The following DIAPH3 variants were observed in gnomAD, a reference collection of about 807,000 sequenced individuals.
DIAPH3 encodes diaphanous related formin 3, also known as protein diaphanous homolog 3.
DIAPH3 carries 117 observed loss-of-function variants against 144.3 expected under a neutral mutation model. The ratio of observed to expected loss-of-function variants is 0.81; its 90% confidence interval spans 0.70 to 0.95. The LOEUF is 0.95. Among genes scored for constraint, DIAPH3 ranks in the 40% least tolerant of loss-of-function variants. The pLI is 0.00. For synonymous variants in DIAPH3, 519 were observed against 488.9 expected (o/e 1.06, Z -0.81); for missense variants, 1,421 against 1,412.7 (o/e 1.01, Z -0.09).
At chr13:59,833,336 T>G in intron 23 of DIAPH3, 65 bp from the exon 24 acceptor site, 7 of 1,308,432 alleles carry the variant, frequency 5.3e-6, no homozygotes, top group Non-Finnish European at 7.5e-6. Context: ...GGGAACTCTG[T>G]AAATCCAATG....
chr13:59,876,024 G>A (rs552754959), intron 21 of DIAPH3, among the ~76,000 whole-genome samples: 15 of 152,014 alleles, frequency 9.9e-5, no homozygotes, highest in East Asian at 1.9e-4. Flanking sequence ...AGTTAAATTC[G>A]TAAAGGGCAT....
chr13:59,765,136 A>G (rs1439373523), intron 27 of DIAPH3, among the ~76,000 whole-genome samples: 4 of 152,170 alleles, frequency 2.6e-5, no homozygotes, highest in Non-Finnish European at 4.4e-5. Flanking sequence ...AAAATTCTCC[A>G]TAGTCTTAAT....
chr13:59,867,088 T>C (rs143997473), intron 21 of DIAPH3, among the ~76,000 whole-genome samples: 5,114 of 148,758 alleles, frequency 0.034, 114 homozygotes, highest in Non-Finnish European at 0.049. Flanking sequence ...TTTTTAAATA[T>C]ATATTTTAAA....
chr13:60,024,098 A>G (rs1346491141), intron 5 of DIAPH3, among the ~76,000 whole-genome samples: 3 of 151,482 alleles, frequency 2.0e-5, no homozygotes, highest in African/African-American at 7.3e-5. Flanking sequence ...CAGGTGGTCC[A>G]GCCGCCTCAG....
intron 21 of DIAPH3, among the ~76,000 whole-genome samples, chr13:59,868,740 G>A (rs2044078332): frequency 1.3e-5 from 2 of 151,974 alleles, no homozygotes; most frequent in Admixed American, 6.6e-5. Context: ...CCTCTCCTCA[G>A]AACCCCTGGC....
Position 59,690,915 on chromosome 13 carries a change from C to T in DIAPH3, c.3320-24069G>A, listed in dbSNP as rs369218215. On this transcript the variant is annotated intron_variant, in intron 27 of 27. Coordinates refer to ENST00000400324, the MANE Select transcript of DIAPH3 (RefSeq NM_001042517.2). ...AAAACAAATAAATTATAAATAAGTG[C>T]TAAAATAGAGCTATGGGAAAAAATA... Among the ~76,000 whole-genome samples, 364 of 152,094 alleles carry T rather than the reference C, an allele frequency of 2.4e-3. 22 individuals carry two copies. In the South Asian group the frequency reaches 0.072, roughly 30 times the overall value.
At chr13:59,691,671 G>C (rs983576522) in intron 27 of DIAPH3, among the ~76,000 whole-genome samples, 3 of 152,048 alleles carry the variant, frequency 2.0e-5, no homozygotes, top group Non-Finnish European at 2.9e-5. Flanking sequence ...AATAAAATAA[G>C]CAAAAGACAG....
intron 7 of DIAPH3, among the ~76,000 whole-genome samples, chr13:60,015,008 TGTTTA>T (rs1295280720): frequency 4.1e-4 from 62 of 151,946 alleles, no homozygotes; most frequent in African/African-American, 5.1e-4. Context: ...TGTTTTGTTT[TGTTTA>T]AGGACAGGGA....
chr13:60,024,901 C>T (rs1332173686), intron 5 of DIAPH3, among the ~76,000 whole-genome samples: 1 of 152,048 alleles, frequency 6.6e-6, no homozygotes, highest in Non-Finnish European at 1.5e-5. Context: ...TCATTATGCT[C>T]ACCATGTAAC....
At chr13:59,771,351 T>C (rs923539186) in intron 27 of DIAPH3, among the ~76,000 whole-genome samples, 3 of 152,154 alleles carry the variant, frequency 2.0e-5, no homozygotes, top group Non-Finnish European at 2.9e-5. Context: ...TAACACAGCA[T>C]AGGTTTATTA....
chr13:60,032,371 T>C (rs2054866891), intron 5 of DIAPH3, among the ~76,000 whole-genome samples: 1 of 152,216 alleles, frequency 6.6e-6, no homozygotes, highest in Non-Finnish European at 1.5e-5. Context: ...GTGAGGATTC[T>C]GCCAGCCCCT....
intron 25 of DIAPH3, among the ~76,000 whole-genome samples, chr13:59,795,433 T>G (rs994432538): frequency 5.3e-5 from 8 of 151,722 alleles, no homozygotes; most frequent in Non-Finnish European, 1.0e-4. Flanking sequence ...CCCAGGGAAT[T>G]TAGGTATATC....
chr13:59,729,237 A>T (rs2035757116), intron 27 of DIAPH3, among the ~76,000 whole-genome samples: 1 of 152,198 alleles, frequency 6.6e-6, no homozygotes, highest in Non-Finnish European at 1.5e-5. Context: ...GCATGATCCT[A>T]GGTACGTATC....
intron 20 of DIAPH3, among the ~76,000 whole-genome samples, chr13:59,897,471 CG>C: frequency 6.6e-6 from 1 of 152,114 alleles, no homozygotes. Flanking sequence ...GGGTGCTGGC[CG>C]GGCACGGTGG....
chr13:59,732,951 G>T (rs2035961026), intron 27 of DIAPH3, among the ~76,000 whole-genome samples: 1 of 152,140 alleles, frequency 6.6e-6, no homozygotes, highest in African/African-American at 2.4e-5. Flanking sequence ...TGTAGTACAG[G>T]TAGAAGTCGT....
chr13:59,701,444 G>T (rs998861572), intron 27 of DIAPH3, among the ~76,000 whole-genome samples: 1 of 152,124 alleles, frequency 6.6e-6, no homozygotes, highest in Non-Finnish European at 1.5e-5. Context: ...TGCTTATCTA[G>T]CTCCTTCCAA....
At chr13:60,131,052 G>A (rs1042343473) in intron 2 of DIAPH3, among the ~76,000 whole-genome samples, 1 of 152,010 alleles carries the variant, frequency 6.6e-6, no homozygotes, top group Non-Finnish European at 1.5e-5. Context: ...AATAAGGGCA[G>A]TGTTTGAAAG....
At chr13:59,942,097 A>T (rs2048565177) in intron 17 of DIAPH3, among the ~76,000 whole-genome samples, 1 of 152,164 alleles carries the variant, frequency 6.6e-6, no homozygotes, top group Non-Finnish European at 1.5e-5. Flanking sequence ...TTCATCAATT[A>T]CTTCCATCCT....
At chr13:59,983,619 G>A in intron 13 of DIAPH3, 150 bp downstream of exon 13, 1 of 591,186 alleles carries the variant, frequency 1.7e-6, no homozygotes, top group Non-Finnish European at 3.0e-6. Context: ...CAATAAAAAA[G>A]GCGAATAATG....
Sources: allele counts gnomAD v4.1 joint callset (sites outside exome capture counted in the v4.1 genomes callset), GRCh38; gene constraint gnomAD v4.1.1; transcripts MANE v1.5; gene names NCBI Gene and HGNC (gene_info 2026-07-23, HGNC 2026-07-21).